EPHA3: variants seen among roughly 807,000 people sequenced by gnomAD.
EPHA3 encodes EPH receptor A3.
In EPHA3, 42 loss-of-function variants were observed where a neutral mutation model predicts 107.1. The observed-to-expected ratio is 0.39, with a 90% CI of 0.31 to 0.51. The LOEUF is 0.51. Ranked by LOEUF, EPHA3 falls within the 20% of genes least tolerant of loss-of-function variation. EPHA3 has a pLI of 0.78. For synonymous variants in EPHA3, 461 were observed against 424.8 expected (o/e 1.09, Z -1.05); for missense variants, 1,183 against 1,211.2 (o/e 0.98, Z 0.35).
chr3:89,428,465 G>C (rs1269555273), intron 11 of EPHA3, among the ~76,000 whole-genome samples: 1 of 152,048 alleles, frequency 6.6e-6, no homozygotes, highest in African/African-American at 2.4e-5. Flanking sequence ...GTTATTACAA[G>C]TTACTGCCAA....
chr3:89,431,399 C>A, intron 13 of EPHA3, 40 bp downstream of exon 13: 1 of 1,546,874 alleles, frequency 6.5e-7, no homozygotes, highest in South Asian at 1.2e-5. Flanking sequence ...TCATTGTTTT[C>A]CATCTTGTAT....
chr3:89,391,704 A>T (rs1708747001), intron 5 of EPHA3, among the ~76,000 whole-genome samples: 1 of 151,814 alleles, frequency 6.6e-6, no homozygotes, highest in African/African-American at 2.4e-5. Flanking sequence ...AAGTGCTGGG[A>T]TTACAGGCGT....
intron 2 of EPHA3, among the ~76,000 whole-genome samples, chr3:89,200,757 G>A (rs932493437): frequency 9.9e-5 from 15 of 152,084 alleles, no homozygotes; most frequent in African/African-American, 9.7e-5. Context: ...TGTTCACATC[G>A]TCCCCATGGC....
chr3:89,327,548 G>A (rs1707192113), intron 3 of EPHA3, among the ~76,000 whole-genome samples: 1 of 152,146 alleles, frequency 6.6e-6, no homozygotes, highest in African/African-American at 2.4e-5. Flanking sequence ...CACGTTAGGT[G>A]TACTATTAGA....
At chr3:89,341,582 T>C (rs1246040991) in intron 4 of EPHA3, among the ~76,000 whole-genome samples, 173 bp from the exon 5 acceptor site, 2 of 152,184 alleles carry the variant, frequency 1.3e-5, no homozygotes, top group Non-Finnish European at 2.9e-5. Context: ...GGGAAGACAG[T>C]GTTCTTGAAT....
chr3:89,226,832 G>C (rs751989213), intron 3 of EPHA3, among the ~76,000 whole-genome samples: 7 of 152,044 alleles, frequency 4.6e-5, no homozygotes, highest in Admixed American at 2.0e-4. Context: ...CTTTGCAAAT[G>C]TCATGACGTT....
intron 10 of EPHA3, among the ~76,000 whole-genome samples, chr3:89,414,058 C>G (rs1709203243): frequency 6.6e-6 from 1 of 151,492 alleles, no homozygotes; most frequent in African/African-American, 2.4e-5. Flanking sequence ...TGTCACTCCC[C>G]AAAGCAAACA....
At chr3:89,394,981 G>T (rs1356764031) in intron 5 of EPHA3, among the ~76,000 whole-genome samples, 1 of 152,174 alleles carries the variant, frequency 6.6e-6, no homozygotes, top group African/African-American at 2.4e-5. Flanking sequence ...CCTTTTAATG[G>T]AAGGGTTTGA....
chr3:89,375,267 C>A (rs76063113), intron 5 of EPHA3, among the ~76,000 whole-genome samples: 1 of 151,572 alleles, frequency 6.6e-6, no homozygotes, highest in Non-Finnish European at 1.5e-5. Flanking sequence ...CACCAATATT[C>A]CTAAGTATTT....
At chr3:89,154,339 C>T (rs1336718419) in intron 2 of EPHA3, among the ~76,000 whole-genome samples, 2 of 150,860 alleles carry the variant, frequency 1.3e-5, no homozygotes, top group South Asian at 4.2e-4. Flanking sequence ...CAATAGATAT[C>T]TGTTAAATGC....
chr3:89,261,375 A>G (rs937528161), intron 3 of EPHA3, among the ~76,000 whole-genome samples: 1 of 152,142 alleles, frequency 6.6e-6, no homozygotes, highest in Non-Finnish European at 1.5e-5. Flanking sequence ...CCTTCAGTTA[A>G]AAGTCATCTG....
At chr3:89,312,572 A>T (rs1338268081) in intron 3 of EPHA3, among the ~76,000 whole-genome samples, 2 of 151,606 alleles carry the variant, frequency 1.3e-5, no homozygotes, top group African/African-American at 4.8e-5. Flanking sequence ...TACCCGTTAT[A>T]GTTTCTTTTC....
intron 3 of EPHA3, among the ~76,000 whole-genome samples, chr3:89,286,316 G>C (rs1369824551): frequency 5.3e-5 from 8 of 151,710 alleles, no homozygotes; most frequent in African/African-American, 1.9e-4. Flanking sequence ...AGAAGTACAT[G>C]GTGAGACTTC....
intron 3 of EPHA3, among the ~76,000 whole-genome samples, chr3:89,297,671 A>T (rs1706389172): frequency 6.6e-6 from 1 of 152,188 alleles, no homozygotes; most frequent in Non-Finnish European, 1.5e-5. Flanking sequence ...GGCTTATTTG[A>T]TGCAAGGTTG....
intron 3 of EPHA3, among the ~76,000 whole-genome samples, chr3:89,306,811 T>C (rs1512907): frequency 0.53 from 80,852 of 152,008 alleles, 23,268 homozygotes; most frequent in African/African-American, 0.76. Context: ...ATTCTGTCTT[T>C]CAATACTTGT....
rs535421767 is a variant in EPHA3 at position 89,445,914 on chromosome 3, A to G, written c.2347-3311A>G. ...AAATTAGTACGAAGGTAAAGATAGT[A>G]TAAAGGTCACCTGATCAGCAAGTAT... is the stretch of plus-strand genomic sequence containing the variant. On this transcript the variant is annotated intron_variant, in intron 13 of 16. Transcript: ENST00000336596. 2.0e-4 allele frequency among the ~76,000 whole-genome samples: 31 copies of G among 152,334 alleles called. 1 individual carries two copies. The South Asian group carries it at 6.2e-3, about 31-fold the overall frequency.
At chr3:89,438,637 G>A (rs1293657128) in intron 13 of EPHA3, among the ~76,000 whole-genome samples, 1 of 151,978 alleles carries the variant, frequency 6.6e-6, no homozygotes. Flanking sequence ...AATATATGTC[G>A]CATGTCATTT....
Position 89,421,501 on chromosome 3 carries a change from C to G in EPHA3, c.2074+2111C>G, listed in dbSNP as rs746531471. 2.0e-5 allele frequency among the ~76,000 whole-genome samples: 3 copies of G among 151,096 alleles called. No individual in the cohort carries two copies. The East Asian group carries it at 5.8e-4, about 29-fold the overall frequency. ...AGAGAGTGATGAAAAAAAATGATTA[C>G]TTTTTAGCTTGAATAGAATCATAAT... On this transcript the variant is annotated intron_variant, in intron 11 of 16. Transcript: ENST00000336596.
Position 89,210,529 on chromosome 3 carries a change from C to T in EPHA3, c.814+9C>T, listed in dbSNP as rs758673087. ...AGGTTTTATGTGCCAAGGTAAGAGC[C>T]TTCTCTATTTTTCTTTGAGCAATAT... On this transcript the variant is annotated intron_variant, in intron 3 of 16. Coordinates refer to ENST00000336596, the MANE Select transcript of EPHA3 (RefSeq NM_005233.6). 1 of 1,522,430 alleles carries T rather than the reference C, an allele frequency of 6.6e-7. No homozygotes were observed. The highest frequency in any genetic ancestry group is 1.3e-5 in the South Asian group (1 of 74,928). The allele number at this position is 1,522,430 out of a possible 1,614,324, so 94.3% of individuals were successfully genotyped here.
Sources: allele counts gnomAD v4.1 joint callset (sites outside exome capture counted in the v4.1 genomes callset), GRCh38; gene constraint gnomAD v4.1.1; transcripts MANE v1.5; gene names NCBI Gene and HGNC (gene_info 2026-07-23, HGNC 2026-07-21).